Variants in RBFOX1 observed in about 807,000 individuals in gnomAD.
The protein encoded by RBFOX1 is RNA binding fox-1 homolog 1.
RBFOX1 carries 8 observed loss-of-function variants against 57.7 expected under a neutral mutation model. The ratio of observed to expected loss-of-function variants is 0.14; its 90% CI spans 0.08 to 0.25. The LOEUF (loss-of-function observed/expected upper bound fraction) is 0.25. Among genes scored for constraint, RBFOX1 ranks in the 10% least tolerant of loss-of-function variants. The pLI, the probability that RBFOX1 is intolerant of heterozygous loss-of-function variation, is 1.00. For missense variants in RBFOX1, 611 were observed against 548.5 expected, an observed-to-expected ratio of 1.11 and a Z score of -1.14; for synonymous variants, 326 against 222.4, an observed-to-expected ratio of 1.47 and a Z score of -4.15.
At chr16:6,798,472 G>T (rs2154254607) in intron 3 of RBFOX1, among the ~76,000 whole-genome samples, 1 of 152,262 alleles carries the variant, frequency 6.6e-6, no homozygotes, top group Non-Finnish European at 1.5e-5. Context: ...CAGAATGGCA[G>T]GGAGCTGAAA....
intron 2 of RBFOX1, among the ~76,000 whole-genome samples, chr16:6,538,589 A>G (rs1462560589): frequency 6.6e-6 from 1 of 152,232 alleles, no homozygotes; most frequent in Non-Finnish European, 1.5e-5. Flanking sequence ...AACAGAAGGT[A>G]ACAAATGTTG....
intron 1 of RBFOX1, among the ~76,000 whole-genome samples, chr16:5,281,122 C>T (rs1466357784): frequency 6.6e-6 from 1 of 151,988 alleles, no homozygotes; most frequent in African/African-American, 2.4e-5. Context: ...ATAGGTTTTG[C>T]ATGATGTGTT....
intron 1 of RBFOX1, among the ~76,000 whole-genome samples, chr16:6,088,538 T>G (rs2096123008): frequency 6.6e-6 from 1 of 151,730 alleles, no homozygotes; most frequent in Non-Finnish European, 1.5e-5. Flanking sequence ...TTCTCCTTCC[T>G]TCCTTCCTTC....
chr16:7,145,573 G>C (rs747666800), intron 4 of RBFOX1, among the ~76,000 whole-genome samples: 1 of 151,986 alleles, frequency 6.6e-6, no homozygotes, highest in Non-Finnish European at 1.5e-5. Flanking sequence ...CTCATATGAT[G>C]ATCTATATGC....
At chr16:7,650,003 G>GAAGAGGGAAGGACAGGA (rs1555715882) in intron 11 of RBFOX1, among the ~76,000 whole-genome samples, 2 of 149,572 alleles carry the variant, frequency 1.3e-5, no homozygotes, top group African/African-American at 5.0e-5. Context: ...AAAGGAAAAG[G>GAAGAGGGAAGGACAGGA]AGGAGGGAAG....
intron 3 of RBFOX1, among the ~76,000 whole-genome samples, chr16:6,731,488 G>T (rs4522421): frequency 6.6e-6 from 1 of 152,054 alleles, no homozygotes; most frequent in Non-Finnish European, 1.5e-5. Context: ...TTCTAGCTGC[G>T]AGTATCTGTG....
chr16:7,129,944 C>G (rs1025954057), intron 4 of RBFOX1, among the ~76,000 whole-genome samples: 1 of 151,754 alleles, frequency 6.6e-6, no homozygotes, highest in Non-Finnish European at 1.5e-5. Flanking sequence ...TTTCCTGCTT[C>G]AAATCTCATT....
intron 4 of RBFOX1, among the ~76,000 whole-genome samples, chr16:7,352,653 A>G (rs953022824): frequency 5.3e-5 from 8 of 152,226 alleles, no homozygotes; most frequent in Middle Eastern, 3.4e-3. Flanking sequence ...TGGTGCAGGG[A>G]TTCTGAAGGA....
At chr16:7,474,525 T>G (rs12444440) in intron 4 of RBFOX1, among the ~76,000 whole-genome samples, 1 of 152,124 alleles carries the variant, frequency 6.6e-6, no homozygotes, top group Non-Finnish European at 1.5e-5. Flanking sequence ...ACTATTTAGG[T>G]TGGTGCAAAA....
At chr16:5,887,826 G>A (rs530010100) in intron 4 of RBFOX1, among the ~76,000 whole-genome samples, 1 of 152,274 alleles carries the variant, frequency 6.6e-6, no homozygotes, top group African/African-American at 2.4e-5. Context: ...TTAGTTCTTT[G>A]TGCTCTTTTT....
intron 1 of RBFOX1, among the ~76,000 whole-genome samples, chr16:6,262,051 G>C (rs2097704768): frequency 6.6e-6 from 1 of 151,816 alleles, no homozygotes; most frequent in Non-Finnish European, 1.5e-5. Flanking sequence ...AAAAAAGAAA[G>C]AAAGATGGAT....
At chr16:7,596,531 A>G (rs1457609679) in intron 8 of RBFOX1, among the ~76,000 whole-genome samples, 1 of 152,088 alleles carries the variant, frequency 6.6e-6, no homozygotes, top group African/African-American at 2.4e-5. Context: ...GGTGAATGGT[A>G]AGTGGTGAAG....
intron 2 of RBFOX1, among the ~76,000 whole-genome samples, chr16:6,642,750 C>G (rs994134423): frequency 6.6e-6 from 1 of 152,094 alleles, no homozygotes; most frequent in African/African-American, 2.4e-5. Flanking sequence ...GTTGTTCTGG[C>G]TTTACAGCTT....
chr16:5,302,973 T>C (rs2063841392), intron 1 of RBFOX1, among the ~76,000 whole-genome samples: 1 of 152,266 alleles, frequency 6.6e-6, no homozygotes, highest in South Asian at 2.1e-4. Flanking sequence ...TCTTGGCTTT[T>C]ATTTTCTATT....
In RBFOX1 at chr16:7,416,675, C is replaced by T. The variant is rs139222486; in HGVS notation, c.28-101472C>T. On this transcript the variant is annotated intron_variant, in intron 4 of 15. Coordinates refer to ENST00000550418, the MANE Select transcript of RBFOX1 (RefSeq NM_018723.4). ...GAGGACCCCAGTGGCAATGGATACC[C>T]ATTTAATCTCTGAGAAAATATTAAT... 6.7e-3 allele frequency among the ~76,000 whole-genome samples: 1,018 copies of T among 152,062 alleles called. 13 individuals are homozygous for T. The highest frequency in any genetic ancestry group is 0.023 in the African/African-American group (972 of 41,518).
intron 4 of RBFOX1, among the ~76,000 whole-genome samples, chr16:7,280,488 G>C (rs1249737060): frequency 6.6e-5 from 10 of 152,298 alleles, no homozygotes; most frequent in Admixed American, 6.5e-4. Context: ...GGAGGCCCAT[G>C]TGCCTCTGCC....
chr16:5,959,459 A>G lies in RBFOX1; in HGVS notation c.351+92124A>G, dbSNP rs377072859. On this transcript the variant is annotated intron_variant, in intron 4 of 19. Coordinates refer to the RBFOX1 transcript ENST00000641259. The stretch of plus-strand genomic sequence containing the variant: ...ACCTAGCATCCATTCTTGCTCAGGA[A>G]CATACAATGACAGGGGTGTTTTCTA... 3.3e-5 allele frequency among the ~76,000 whole-genome samples: 5 copies of G among 152,212 alleles called. No individual in the cohort carries two copies. In the East Asian group the frequency reaches 9.6e-4, roughly 29 times the overall value.
intron 14 of RBFOX1, among the ~76,000 whole-genome samples, chr16:7,696,252 G>C (rs1202026427): frequency 3.3e-5 from 5 of 152,160 alleles, no homozygotes; most frequent in African/African-American, 1.2e-4. Context: ...GTGCTCTGTT[G>C]GGTATCACTT....
chr16:6,628,433 A>C (rs2098338817), intron 2 of RBFOX1, among the ~76,000 whole-genome samples: 1 of 152,218 alleles, frequency 6.6e-6, no homozygotes, highest in African/African-American at 2.4e-5. Flanking sequence ...CTGGTTTTCA[A>C]ATATAGAAAA....
Sources: gnomAD v4.1 joint callset for allele counts (sites outside exome capture counted in the v4.1 genomes callset) on GRCh38, gnomAD v4.1.1 for gene constraint, MANE v1.5 for transcripts, NCBI Gene and HGNC (gene_info 2026-07-23, HGNC 2026-07-21) for gene names.